The following SLC16A7 variants were observed in gnomAD, a reference collection of about 807,000 sequenced individuals.
SLC16A7 encodes monocarboxylate transporter 2.
In SLC16A7, 33 loss-of-function variants were observed where a neutral mutation model predicts 34.9. The observed-to-expected ratio is 0.94, with a 90% confidence interval of 0.72 to 1.26. The LOEUF is 1.26. SLC16A7 is among the 50% of genes most tolerant of loss of function. SLC16A7 has a pLI of 0.00. For synonymous variants in SLC16A7, 201 were observed against 206.6 expected (o/e 0.97, Z 0.23); for missense variants, 573 against 578.1 (o/e 0.99, Z 0.09).
rs1387954765 is a variant in SLC16A7, at chr12:59,779,850, C to CTTAT, written c.*174_*177dup. ...TTTTAAATTAGTTTTTAAAAACTTA[C>CTTAT]TTATTTGGGTAGTTAAATTTTGAGA... On this transcript the variant is annotated 3_prime_UTR_variant, in exon 6 of 6. Transcript: ENST00000547379. 3.6e-6 allele frequency: 2 copies of CTTAT among 554,930 alleles called. No homozygotes were observed. Among genetic ancestry groups the CTTAT allele is most frequent in the African/African-American group, 3.9e-5 (2 of 50,684 alleles). The allele number at this position is 554,930 out of a possible 1,614,324, so 34.4% of individuals were successfully genotyped here.
At chr12:59,627,640 A>T (rs1230316788) in intron 1 of SLC16A7, among the ~76,000 whole-genome samples, 1 of 151,752 alleles carries the variant, frequency 6.6e-6, no homozygotes, top group African/African-American at 2.4e-5. Context: ...ATTCTTTTTT[A>T]TACATTTGAC....
chr12:59,680,503 A>C (rs1870660861), intron 2 of SLC16A7, among the ~76,000 whole-genome samples: 1 of 152,172 alleles, frequency 6.6e-6, no homozygotes, highest in African/African-American at 2.4e-5. Flanking sequence ...AATAACTAAA[A>C]TGAAAATTTC....
chr12:59,712,991 G>GTTTTC (rs551341211), intron 3 of SLC16A7, among the ~76,000 whole-genome samples: 13 of 151,746 alleles, frequency 8.6e-5, no homozygotes, highest in South Asian at 4.2e-4. Flanking sequence ...TTCTATGGAT[G>GTTTTC]TTTTCTTTTC....
At chr12:59,749,792 G>T (rs1422558807) in intron 3 of SLC16A7, among the ~76,000 whole-genome samples, 1 of 152,180 alleles carries the variant, frequency 6.6e-6, no homozygotes, top group Non-Finnish European at 1.5e-5. Context: ...TTGTGGATGT[G>T]GCAGAAAAGG....
At chr12:59,721,779 T>C (rs1251616939) in intron 3 of SLC16A7, among the ~76,000 whole-genome samples, 1 of 152,016 alleles carries the variant, frequency 6.6e-6, no homozygotes, top group Non-Finnish European at 1.5e-5. Flanking sequence ...AATTGACCTT[T>C]CTGGAGCATT....
intron 1 of SLC16A7, among the ~76,000 whole-genome samples, chr12:59,608,675 A>AT (rs747559288): frequency 2.6e-5 from 4 of 152,208 alleles, no homozygotes; most frequent in Non-Finnish European, 5.9e-5. Context: ...CCCTTTTACC[A>AT]TTAAATTTCT....
chr12:59,690,733 G>T (rs1871550775), intron 2 of SLC16A7, among the ~76,000 whole-genome samples: 2 of 151,908 alleles, frequency 1.3e-5, no homozygotes, highest in East Asian at 1.9e-4. Context: ...TTACAAAAAG[G>T]GTGACTTAAC....
chr12:59,701,230 C>G (rs564525128), intron 2 of SLC16A7, among the ~76,000 whole-genome samples: 8 of 150,890 alleles, frequency 5.3e-5, no homozygotes, highest in African/African-American at 1.2e-4. Flanking sequence ...TGTCAATGCT[C>G]TTAATTACCT....
At chr12:59,725,111 T>G (rs1356443472) in intron 3 of SLC16A7, among the ~76,000 whole-genome samples, 1 of 152,052 alleles carries the variant, frequency 6.6e-6, no homozygotes, top group East Asian at 1.9e-4. Flanking sequence ...TGGAAATCAT[T>G]CATTGCTATG....
intron 2 of SLC16A7, among the ~76,000 whole-genome samples, chr12:59,658,204 C>T (rs1868637343): frequency 2.6e-5 from 4 of 151,978 alleles, no homozygotes; most frequent in Non-Finnish European, 5.9e-5. Flanking sequence ...TCCTCAAATA[C>T]GTGTGGTATC....
intron 1 of SLC16A7, among the ~76,000 whole-genome samples, chr12:59,621,412 T>C (rs895801945): frequency 6.6e-6 from 1 of 151,902 alleles, no homozygotes; most frequent in African/African-American, 2.4e-5. Context: ...TCTCCATCCA[T>C]TGAGCAAGGA....
At position 59,786,693 on chromosome 12, in the gene SLC16A7, A is replaced by G. The variant is rs1883645741; in HGVS notation, c.*7014A>G. 1 of 152,128 alleles carries G rather than the reference A, an allele frequency of 6.6e-6. No homozygotes were observed. The allele number at this position is 152,128 out of a possible 1,614,324, so 9.4% of individuals were successfully genotyped here. On this transcript the variant is annotated 3_prime_UTR_variant, in exon 6 of 6. Transcript: ENST00000547379. Reference sequence around the variant, plus strand: ...TTTGATAGGTATCCACATTTTTACCATATAAAACTAGACTGGATTAAGGAT... The same window carrying G: ...TTTGATAGGTATCCACATTTTTACCGTATAAAACTAGACTGGATTAAGGAT...
chr12:59,775,599 G>T, intron 5 of SLC16A7, 124 bp downstream of exon 5: 1 of 680,952 alleles, frequency 1.5e-6, no homozygotes, highest in Non-Finnish European at 2.3e-6. Context: ...AATATGGGCA[G>T]GTTAATTTTA....
chr12:59,636,460 G>T (rs978413494), intron 1 of SLC16A7, among the ~76,000 whole-genome samples: 1 of 151,956 alleles, frequency 6.6e-6, no homozygotes, highest in African/African-American at 2.4e-5. Flanking sequence ...CACAAAATAG[G>T]AATTTATTTA....
At chr12:59,748,104 G>T (rs1049334273) in intron 3 of SLC16A7, among the ~76,000 whole-genome samples, 1 of 152,198 alleles carries the variant, frequency 6.6e-6, no homozygotes, top group Admixed American at 6.5e-5. Flanking sequence ...TCGGAAGGCT[G>T]AGGCAGGAGA....
At chr12:59,695,972 A>G (rs2137111737) in intron 2 of SLC16A7, among the ~76,000 whole-genome samples, 1 of 152,116 alleles carries the variant, frequency 6.6e-6, no homozygotes, top group Non-Finnish European at 1.5e-5. Context: ...CATGTATATT[A>G]CTGACAGTAT....
intron 3 of SLC16A7, chr12:59,720,270 A>G (rs1875416348): frequency 1.9e-6 from 1 of 518,058 alleles, no homozygotes; most frequent in Non-Finnish European, 3.3e-6. Flanking sequence ...TTTTTTAAGC[A>G]CCCTTTCATA....
At chr12:59,631,925 T>A (rs1880201929) in intron 1 of SLC16A7, among the ~76,000 whole-genome samples, 1 of 151,954 alleles carries the variant, frequency 6.6e-6, no homozygotes, top group African/African-American at 2.4e-5. Context: ...TGTATGTTTG[T>A]TTGTGTGTGG....
intron 3 of SLC16A7, among the ~76,000 whole-genome samples, chr12:59,715,464 C>T (rs1874786428): frequency 6.6e-6 from 1 of 152,166 alleles, no homozygotes; most frequent in Non-Finnish European, 1.5e-5. Context: ...CAGCATTATG[C>T]TTTGAGGCCA....
Sources: allele counts gnomAD v4.1 joint callset (sites outside exome capture counted in the v4.1 genomes callset), GRCh38; gene constraint gnomAD v4.1.1; transcripts MANE v1.5; gene names NCBI Gene and HGNC (gene_info 2026-07-23, HGNC 2026-07-21).